ANKRD11: variants seen among roughly 807,000 people sequenced by gnomAD.
ANKRD11 encodes the protein ankyrin repeat domain 11.
Under a neutral mutation model 195.7 loss-of-function variants are expected in ANKRD11, and 17 were observed. The observed-to-expected ratio is 0.09, with a 90% CI of 0.06 to 0.13. The LOEUF is 0.13. Ranked by LOEUF, ANKRD11 falls within the 10% of genes least tolerant of loss-of-function variation. ANKRD11 has a pLI of 1.00. For missense variants in ANKRD11, 3,735 were observed against 3,566.1 expected (o/e 1.05, Z -1.21); for synonymous variants, 1,953 against 1,528.1 (o/e 1.28, Z -6.49).
intron 1 of ANKRD11, among the ~76,000 whole-genome samples, chr16:89,461,657 A>G (rs1481485275): frequency 1.3e-5 from 2 of 152,158 alleles, no homozygotes; most frequent in Non-Finnish European, 2.9e-5. Context: ...TTCCATTTTA[A>G]TACCGATTTA....
chr16:89,356,865 C>A (rs963835580), intron 2 of ANKRD11, among the ~76,000 whole-genome samples: 1 of 151,316 alleles, frequency 6.6e-6, no homozygotes, highest in African/African-American at 2.4e-5. Flanking sequence ...ACATAATAAA[C>A]AACAAAAGCC....
chr16:89,384,874 G>GTTTTTTTTTTTTTTTTTTTTTTTT (rs1257714722), intron 2 of ANKRD11, among the ~76,000 whole-genome samples: 1 of 72,752 alleles, frequency 1.4e-5, no homozygotes, highest in African/African-American at 5.6e-5. Flanking sequence ...ATGAGAAATA[G>GTTTTTTTTTTTTTTTTTTTTTTTT]TTTTCTTTTT....
chr16:89,487,513 C>T (rs1044135988), intron 1 of ANKRD11, among the ~76,000 whole-genome samples: 1 of 152,212 alleles, frequency 6.6e-6, no homozygotes, highest in African/African-American at 2.4e-5. Context: ...CGGTGGCTCA[C>T]GCCTGTAATC....
At chr16:89,325,977 A>G (rs142672076) in intron 2 of ANKRD11, among the ~76,000 whole-genome samples, 2,258 of 152,232 alleles carry the variant, frequency 0.015, 61 homozygotes, top group African/African-American at 0.051. Context: ...CCCAATACAC[A>G]CTGCAGGGCA....
intron 7 of ANKRD11, chr16:89,286,829 C>G: frequency 7.8e-7 from 1 of 1,287,348 alleles, no homozygotes; most frequent in Non-Finnish European, 1.0e-6. Flanking sequence ...ATGCCCAGAA[C>G]AGCAATGCAC....
intron 1 of ANKRD11, among the ~76,000 whole-genome samples, chr16:89,461,593 G>C (rs777978213): frequency 1.3e-5 from 2 of 151,910 alleles, no homozygotes; most frequent in African/African-American, 2.4e-5. Flanking sequence ...TGCTTCCCTC[G>C]GCCTCCGAAA....
chr16:89,409,984 C>T (rs1281141362), intron 2 of ANKRD11, among the ~76,000 whole-genome samples: 1 of 152,058 alleles, frequency 6.6e-6, no homozygotes, highest in African/African-American at 2.4e-5. Context: ...GGACTACAGG[C>T]GCCCGCCACC....
In ANKRD11 at chr16:89,285,607, C is replaced by A; in HGVS notation, c.935G>T (p.Ser312Ile). Residue 312 changes from serine to isoleucine, a missense_variant, in exon 9 of 13, where the codon AGT becomes ATT. Coordinates refer to ENST00000301030, the MANE Select transcript of ANKRD11 (RefSeq NM_013275.6). This position sits in a 1 kb window ranked among gnomAD's most constrained non-coding sequence, Gnocchi z 5.6. The part of the protein sequence containing the change: ...EEDAPSFAPS[S>I]SVDGNNTDSE... ...GTCCGTGTTGTTGCCGTCGACTGAA[C>A]TGGAAGGTGCGAAGGATGGTGCGTC... 6.2e-7 allele frequency: 1 copy of A among 1,614,158 alleles called. No individual in the cohort carries two copies. The highest frequency in any genetic ancestry group is 8.5e-7 in the Non-Finnish European group (1 of 1,180,032).
chr16:89,407,545 G>A (rs933216305), intron 2 of ANKRD11, among the ~76,000 whole-genome samples: 4 of 152,112 alleles, frequency 2.6e-5, no homozygotes, highest in African/African-American at 9.7e-5. Context: ...TCTGGGCCGC[G>A]CAACATGGCT....
At chr16:89,274,316 C>G (rs545745002) in intron 11 of ANKRD11, among the ~76,000 whole-genome samples, 5 of 152,206 alleles carry the variant, frequency 3.3e-5, no homozygotes, top group Non-Finnish European at 7.4e-5. Flanking sequence ...CCGGCCCGCC[C>G]TGGCCCAGAT....
intron 1 of ANKRD11, among the ~76,000 whole-genome samples, chr16:89,476,069 A>T (rs1056689368): frequency 1.3e-5 from 2 of 151,956 alleles, no homozygotes; most frequent in Non-Finnish European, 2.9e-5. Context: ...AAAAAAAAGA[A>T]AAAGAAAACA....
rs1490081896 is a variant in ANKRD11 at position 89,279,857 on chromosome 16, C to T, written c.6685G>A (p.Glu2229Lys). 1.3e-6 allele frequency: 2 copies of T among 1,555,140 alleles called. No homozygotes were observed. The highest frequency in any genetic ancestry group is 1.7e-6 in the Non-Finnish European group (2 of 1,151,474). ...GAGTCCGGATCCCCACGGGCCCTCTCTTCCGGCACCGTCTCCGCCTCCACC... is the reference window on the plus strand; with the variant it reads ...GAGTCCGGATCCCCACGGGCCCTCTTTTCCGGCACCGTCTCCGCCTCCACC... ...AAVEAETVPE[E>K]RARGDPDSSV... The change falls in exon 9 of 13, where the codon GAG becomes AAG. Residue 2229 changes from glutamate (E) to lysine (K), a missense_variant. By Grantham distance (56) the Glu-to-Lys change is moderately conservative. Coordinates refer to ENST00000301030, the MANE Select transcript of ANKRD11 (RefSeq NM_013275.6). This position sits in a 1 kb window ranked among gnomAD's most constrained non-coding sequence, Gnocchi z 5.6.
intron 4 of ANKRD11, among the ~76,000 whole-genome samples, chr16:89,292,544 T>A (rs1211708357): frequency 6.6e-6 from 1 of 152,130 alleles, no homozygotes; most frequent in African/African-American, 2.4e-5. Context: ...AGAATGTGGA[T>A]TCGTATGTCC....
intron 4 of ANKRD11, chr16:89,301,175 C>A (rs947520787): frequency 3.2e-5 from 15 of 465,534 alleles, no homozygotes; most frequent in Admixed American, 2.5e-4. Flanking sequence ...GGCGCAATCA[C>A]GGCTCACTGC....
At chr16:89,389,242 C>G (rs986627308) in intron 2 of ANKRD11, among the ~76,000 whole-genome samples, 5 of 151,732 alleles carry the variant, frequency 3.3e-5, no homozygotes, top group African/African-American at 1.2e-4. Flanking sequence ...CCAGTCTGGT[C>G]TCAAACTCCT....
At chr16:89,366,977 G>A (rs1334477008) in intron 2 of ANKRD11, among the ~76,000 whole-genome samples, 1 of 152,186 alleles carries the variant, frequency 6.6e-6, no homozygotes, top group Non-Finnish European at 1.5e-5. Flanking sequence ...GATTAGGTCC[G>A]CTGATTGTGG....
In ANKRD11 at chr16:89,283,485, C is replaced by G. The variant is rs746603099; in HGVS notation, c.3057G>C (p.Arg1019Ser). ...ATCTTTCTGGTTTTGTCTTCTCCTT[C>G]CTTTCCTTATCGGGGCCATCCTTCT... ...KEKKDGPDKE[R>S]KEKTKPERYK... is the part of the protein sequence containing the mutation. The change falls in exon 9 of 13, where the codon AGG (arginine) becomes AGC (serine). Residue 1019 changes from arginine (R) to serine (S), a missense_variant. Coordinates refer to ENST00000301030, the MANE Select transcript of ANKRD11 (RefSeq NM_013275.6). The surrounding 1 kb of genome is among the most constrained non-coding windows in gnomAD (Gnocchi z 4.3). 1.2e-6 allele frequency: 2 copies of G among 1,614,164 alleles called. No homozygotes were observed. Among genetic ancestry groups the G allele is most frequent in the South Asian group, 2.2e-5 (2 of 91,088 alleles).
At chr16:89,275,712 G>C (rs957354996) in intron 9 of ANKRD11, among the ~76,000 whole-genome samples, 1 of 152,192 alleles carries the variant, frequency 6.6e-6, no homozygotes, top group Admixed American at 6.5e-5. Context: ...AGGTCCCCGT[G>C]GGGGCTGGGG....
At position 89,448,323 on chromosome 16, in the gene ANKRD11, A is replaced by C. The variant is rs566327322; in HGVS notation, c.-144-29955T>G. On this transcript the variant is annotated intron_variant, in intron 1 of 12. Transcript: ENST00000301030. ...AAAGTCTCAACTGTAAAATGAGCAT[A>C]AACAGTCCAATGGTGAAACCTTTTC... is the stretch of plus-strand genomic sequence containing the variant. 2.0e-4 allele frequency among the ~76,000 whole-genome samples: 31 copies of C among 152,366 alleles called. No individual in the cohort carries two copies. The South Asian group carries it at 5.4e-3, about 26-fold the overall frequency.
Sources: gnomAD v4.1 joint callset for allele counts (sites outside exome capture counted in the v4.1 genomes callset) on GRCh38, gnomAD v4.1.1 for gene constraint, Gnocchi (gnomAD v3.1) non-coding constraint, MANE v1.5 for transcripts, NCBI Gene and HGNC (gene_info 2026-07-23, HGNC 2026-07-21) for gene names.